The following DDX27 variants were observed in gnomAD, a reference collection of about 807,000 sequenced individuals.
The protein encoded by DDX27 is probable ATP-dependent RNA helicase DDX27.
A neutral mutation model predicts 99.3 loss-of-function variants in DDX27; 42 were observed. The ratio of observed to expected loss-of-function variants is 0.42; its 90% CI spans 0.33 to 0.55. The LOEUF (loss-of-function observed/expected upper bound fraction) is 0.55. DDX27 is among the 20% of genes least tolerant of loss of function. DDX27 has a pLI of 0.07. For missense variants in DDX27, 798 were observed against 976.8 expected (o/e 0.82, Z 2.44); for synonymous variants, 329 against 353.8 (o/e 0.93, Z 0.79).
chr20:49,242,668 C>G lies in DDX27; in HGVS notation c.2191C>G (p.Gln731Glu). The change falls in exon 19 of 21, where the codon CAG (glutamine) becomes GAG (glutamate). Residue 731 changes from glutamine to glutamate, a missense_variant. This residue lies in a region of DDX27 where 553 missense variants were observed against 727.9 expected (regional missense o/e 0.76). Coordinates refer to ENST00000618172, the MANE Select transcript of DDX27 (RefSeq NM_017895.8). The part of the protein sequence containing the change: ...LTNTSKKALK[Q>E]YRAGPSFEER... Reference sequence around the variant, plus strand: ...CAACACAAGCAAGAAGGCCCTGAAACAGTATCGAGCTGGGTAGGATTTTAA... The same window carrying G: ...CAACACAAGCAAGAAGGCCCTGAAAGAGTATCGAGCTGGGTAGGATTTTAA... 6.2e-7 allele frequency: 1 copy of G among 1,612,570 alleles called. No homozygotes were observed. Among genetic ancestry groups the G allele is most frequent in the Non-Finnish European group, 8.5e-7 (1 of 1,179,066 alleles).
chr20:49,230,050 G>T, intron 8 of DDX27, 149 bp from the exon 9 acceptor site: 6 of 828,010 alleles, frequency 7.2e-6, no homozygotes, highest in Non-Finnish European at 1.1e-5. Flanking sequence ...GTGCGTTTCT[G>T]GGAAACCCAT....
intron 4 of DDX27, 104 bp from the exon 5 acceptor site, chr20:49,224,841 C>T (rs1219439864): frequency 1.6e-6 from 2 of 1,261,660 alleles, no homozygotes; most frequent in African/African-American, 1.5e-5. Context: ...GATGGTCACC[C>T]CTCAGAGGCT....
chr20:49,225,012 C>T (rs755234887), intron 5 of DDX27, 21 bp downstream of exon 5: 23 of 1,614,026 alleles, frequency 1.4e-5, no homozygotes, highest in Admixed American at 6.7e-5. Flanking sequence ...GGCTGCAAGA[C>T]AGTATGCAGC....
chr20:49,243,772 G>A (rs1435871794), intron 20 of DDX27, 44 bp from the exon 21 acceptor site: 2 of 1,613,908 alleles, frequency 1.2e-6, no homozygotes, highest in African/African-American at 1.3e-5. Context: ...TGGAAAAGAA[G>A]CTTCTCCATC....
At chr20:49,233,053 A>G (rs1444128618) in intron 9 of DDX27, among the ~76,000 whole-genome samples, 1 of 152,216 alleles carries the variant, frequency 6.6e-6, no homozygotes, top group Non-Finnish European at 1.5e-5. Context: ...CTGTAAGAGA[A>G]GGTCCTAGTG....
rs368984538 is a variant in DDX27 at position 49,223,421 on chromosome 20, C to T, written c.454C>T (p.Leu152Phe). Residue 152 changes from leucine to phenylalanine, a missense_variant, in exon 4 of 21, where the codon CTC (leucine) becomes TTC (phenylalanine). Coordinates refer to ENST00000618172, the MANE Select transcript of DDX27 (RefSeq NM_017895.8). ...TDYSSADENI[L>F]TKADTLKVKD... The stretch of plus-strand genomic sequence containing the variant: ...CTACTCATCAGCTGATGAGAACATC[C>T]TCACCAAAGCAGGTAGACGTTACGG... 3 of 1,609,046 alleles carry T rather than the reference C, an allele frequency of 1.9e-6. No homozygotes were observed. In the African/African-American group the frequency reaches 4.0e-5, roughly 22 times the overall value.
chr20:49,239,555 A>C (rs1980410395), intron 16 of DDX27, among the ~76,000 whole-genome samples: 1 of 152,140 alleles, frequency 6.6e-6, no homozygotes, highest in Admixed American at 6.5e-5. Context: ...TGCGCACTTC[A>C]CAATAGGGTT....
chr20:49,224,555 G>A (rs970737617), intron 4 of DDX27, among the ~76,000 whole-genome samples: 67 of 152,050 alleles, frequency 4.4e-4, no homozygotes, highest in African/African-American at 1.5e-3. Context: ...TAGAGATGGG[G>A]TTTCACCATG....
rs373660859 is a variant in DDX27, at chr20:49,236,318, T to C, written c.1510-15T>C. ...CTTCCCTTGCCAGGCCTGACGTTCA[T>C]TTTTGACCTTCTAGGTAATCAACTT... is the stretch of plus-strand genomic sequence containing the variant. On this transcript the variant is annotated splice_polypyrimidine_tract_variant and intron_variant, in intron 13 of 20. Coordinates refer to ENST00000618172, the MANE Select transcript of DDX27 (RefSeq NM_017895.8). The surrounding 1 kb of genome is among the most constrained non-coding windows in gnomAD (Gnocchi z 4.1). 2 of 1,570,672 alleles carry C rather than the reference T, an allele frequency of 1.3e-6. No homozygotes were observed. Among genetic ancestry groups the C allele is most frequent in the African/African-American group, 2.7e-5 (2 of 73,560 alleles).
chr20:49,243,953 A>C lies in DDX27; in HGVS notation c.*119A>C, dbSNP rs927404990. The C allele has an allele frequency of 1.7e-5, 22 of 1,265,906 alleles. 1 individual carries two copies. The highest frequency in any genetic ancestry group is 2.4e-5 in the Non-Finnish European group (22 of 903,710). The allele number at this position is 1,265,906 out of a possible 1,614,324, so 78.4% of individuals were successfully genotyped here. ...AAAAAAAAAACAAAAACAAAAAACA[A>C]CACTTTGGTGTGGTGGTATGGTACG... is the stretch of plus-strand genomic sequence containing the variant. On this transcript the variant is annotated 3_prime_UTR_variant, in exon 21 of 21. Transcript: ENST00000618172.
At chr20:49,222,589 A>G (rs879836232) in intron 2 of DDX27, among the ~76,000 whole-genome samples, 1 of 151,724 alleles carries the variant, frequency 6.6e-6, no homozygotes, top group Non-Finnish European at 1.5e-5. Context: ...ATCTCGGCTC[A>G]CTGCCACCTC....
Position 49,242,091 on chromosome 20 carries a change from A to C in DDX27, c.2001A>C (p.Glu667Asp). ...AKKKGEMTAE[E>D]RSQFEILKAQ... is the part of the protein sequence containing the mutation. ...CTCCCCACTCCCCCTAGGCAGAGGA[A>C]AGGTCTCAGTTTGAAATCCTCAAGG... Residue 667 changes from glutamate (E) to aspartate (D), a missense_variant, in exon 18 of 21, where the codon GAA becomes GAC. Around this residue, in one of 2 missense-constraint regions of DDX27, gnomAD observed 553 missense variants for 727.9 expected, o/e 0.76. Transcript: ENST00000618172. The C allele has an allele frequency of 6.2e-7, 1 of 1,614,232 alleles. No individual in the cohort carries two copies. Among genetic ancestry groups the C allele is most frequent in the East Asian group, 2.2e-5 (1 of 44,888 alleles).
At chr20:49,226,600 A>C in intron 7 of DDX27, 65 bp downstream of exon 7, 1 of 1,143,448 alleles carries the variant, frequency 8.7e-7, no homozygotes, top group South Asian at 1.4e-5. Flanking sequence ...CTCTAGGTTG[A>C]CTTACCAAAG....
intron 16 of DDX27, among the ~76,000 whole-genome samples, chr20:49,240,086 G>A (rs1568977452): frequency 6.6e-6 from 1 of 152,146 alleles, no homozygotes; most frequent in Non-Finnish European, 1.5e-5. Context: ...AATTATTAGT[G>A]GTTGCAGAGC....
chr20:49,237,722 T>C (rs569498477), intron 14 of DDX27, among the ~76,000 whole-genome samples: 1 of 152,136 alleles, frequency 6.6e-6, no homozygotes, highest in African/African-American at 2.4e-5. Context: ...GAGTCCTGGG[T>C]GATCGGAATG....
intron 9 of DDX27, 86 bp downstream of exon 9, chr20:49,230,435 T>C (rs2146712858): frequency 1.4e-6 from 2 of 1,476,350 alleles, no homozygotes; most frequent in East Asian, 2.3e-5. Flanking sequence ...GCGTTATTCT[T>C]TGTGGCTCTG....
At chr20:49,239,664 C>T (rs950377859) in intron 16 of DDX27, among the ~76,000 whole-genome samples, 1 of 151,956 alleles carries the variant, frequency 6.6e-6, no homozygotes, top group Non-Finnish European at 1.5e-5. Context: ...TGCTGTGCAG[C>T]CTGGTTCCTA....
intron 9 of DDX27, 34 bp downstream of exon 9, chr20:49,230,383 G>A (rs1367457947): frequency 1.3e-6 from 2 of 1,585,628 alleles, no homozygotes; most frequent in South Asian, 1.1e-5. Flanking sequence ...AGGGCACTGT[G>A]GGGTTCCAAG....
chr20:49,229,764 G>A (rs546837388), intron 8 of DDX27, among the ~76,000 whole-genome samples: 1 of 150,988 alleles, frequency 6.6e-6, no homozygotes, highest in East Asian at 2.0e-4. Flanking sequence ...TTCTCCCACT[G>A]CTTTCCAAGT....
Sources: gnomAD v4.1 joint callset for allele counts (sites outside exome capture counted in the v4.1 genomes callset) on GRCh38, gnomAD v4.1.1 for gene constraint, gnomAD v4.1.1 regional missense constraint, Gnocchi (gnomAD v3.1) non-coding constraint, MANE v1.5 for transcripts, NCBI Gene and HGNC (gene_info 2026-07-23, HGNC 2026-07-21) for gene names.